Variants in TFEB observed in about 807,000 individuals in gnomAD.
TFEB encodes T-cell transcription factor EB.
In TFEB, 12 loss-of-function variants were observed where a neutral mutation model predicts 48.0. The observed-to-expected ratio is 0.25, with a 90% CI of 0.16 to 0.40. TFEB has a LOEUF of 0.40. TFEB is among the 10% of genes least tolerant of loss of function. TFEB has a pLI of 1.00. For missense variants in TFEB, 509 were observed against 640.3 expected, an observed-to-expected ratio of 0.79 and a Z score of 2.21; for synonymous variants, 244 against 261.4, an observed-to-expected ratio of 0.93 and a Z score of 0.64.
chr6:41,727,999 G>T (rs1771282183), intron 1 of TFEB, among the ~76,000 whole-genome samples: 2 of 152,202 alleles, frequency 1.3e-5, no homozygotes, highest in Non-Finnish European at 2.9e-5. Flanking sequence ...CCTTCCTGGG[G>T]CCCAGAAGGT....
chr6:41,734,391 G>A lies in TFEB; in HGVS notation c.-23+959C>T, dbSNP rs1771583071. 2.0e-6 allele frequency: 2 copies of A among 984,976 alleles called. No individual in the cohort carries two copies. The highest frequency in any genetic ancestry group is 4.7e-5 in the South Asian group (1 of 21,276). 61.0% of individuals were successfully genotyped at this position (984,976 alleles called of 1,614,324 possible). ...CAGCCCGGAGCAGCTCGGGGCAGCC[G>A]TGCGTGAAGCCGGAACCCCGCGCGG... On this transcript the variant is annotated intron_variant, in intron 1 of 8. Transcript: ENST00000373033. The surrounding 1 kb of genome is among the most constrained non-coding windows in gnomAD (Gnocchi z 4.0).
In TFEB at chr6:41,720,822, TA is replaced by T. The variant is rs1770947373; in HGVS notation, c.-23+14527del. On this transcript the variant is annotated intron_variant, in intron 1 of 8. Transcript: ENST00000373033. This position sits in a 1 kb window ranked among gnomAD's most constrained non-coding sequence, Gnocchi z 4.1. Reference sequence around the variant, plus strand: ...GGCACAGCCCTCACCCATATATAATTATTCCATCATATATTACAATGTAATA... The same window carrying T: ...GGCACAGCCCTCACCCATATATAATTTTCCATCATATATTACAATGTAATA... 1 of 152,168 alleles carries T rather than the reference TA, an allele frequency of 6.6e-6. No homozygotes were observed. Among genetic ancestry groups the T allele is most frequent in the South Asian group, 2.1e-4 (1 of 4,830 alleles). The allele number at this position is 152,168 out of a possible 1,614,324, so 9.4% of individuals were successfully genotyped here.
chr6:41,688,319 G>A (rs1229290554), intron 4 of TFEB: 1 of 333,924 alleles, frequency 3.0e-6, no homozygotes, highest in South Asian at 9.7e-5. Context: ...CCTAGAGCAG[G>A]TCATCTAATC....
At chr6:41,707,311 C>T (rs1430254206) in intron 1 of TFEB, among the ~76,000 whole-genome samples, 2 of 152,208 alleles carry the variant, frequency 1.3e-5, no homozygotes, top group Non-Finnish European at 2.9e-5. Flanking sequence ...TGGGCCTGCC[C>T]ACAGGGTAGG....
In TFEB at chr6:41,691,081, G is replaced by T. The variant is rs920105606; in HGVS notation, c.133C>A (p.Leu45Ile). 6 of 1,575,090 alleles carry T rather than the reference G, an allele frequency of 3.8e-6. No homozygotes were observed. The highest frequency in any genetic ancestry group is 4.3e-6 in the Non-Finnish European group (5 of 1,159,008). The change falls in exon 2 of 9, where the codon CTC becomes ATC. Residue 45 changes from leucine to isoleucine, a missense_variant. By Grantham distance (5) the Leu-to-Ile change is conservative. Around this residue, in one of 4 missense-constraint regions of TFEB, gnomAD observed 251 missense variants for 317.2 expected, o/e 0.79. Coordinates refer to ENST00000373033, the MANE Select transcript of TFEB (RefSeq NM_001271944.2). The surrounding 1 kb of genome is among the most constrained non-coding windows in gnomAD (Gnocchi z 5.2). ...ATGGCCGGGGTGGGCGGCCCTCCGA[G>T]CTGCTGCTGTTGCTGCTGCTGCTGC... Reference protein sequence around the residue: ...QQQQQQQQQQLGGPPTPAINT... With the variant: ...QQQQQQQQQQIGGPPTPAINT...
chr6:41,705,464 C>T (rs1770163344), intron 1 of TFEB, among the ~76,000 whole-genome samples: 1 of 152,194 alleles, frequency 6.6e-6, no homozygotes, highest in Admixed American at 6.5e-5. Flanking sequence ...CCCTGAGAGG[C>T]AGCCATACCG....
chr6:41,729,839 C>T (rs918481338), intron 1 of TFEB, among the ~76,000 whole-genome samples: 2 of 152,200 alleles, frequency 1.3e-5, no homozygotes, highest in African/African-American at 4.8e-5. Flanking sequence ...GCCTACCAGG[C>T]CCAAAGTCAG....
chr6:41,718,502 C>A (rs889312934), intron 1 of TFEB, among the ~76,000 whole-genome samples: 1 of 152,104 alleles, frequency 6.6e-6, no homozygotes, highest in African/African-American at 2.4e-5. Flanking sequence ...AGCCACCACA[C>A]CCAGCCTAGA....
At chr6:41,687,064 C>G (rs1215957550) in intron 7 of TFEB, 30 bp downstream of exon 7, 1 of 1,607,382 alleles carries the variant, frequency 6.2e-7, no homozygotes, top group African/African-American at 1.3e-5. Flanking sequence ...CACCCAGACC[C>G]ATCACCCTCC....
rs962233786 is a variant in TFEB at position 41,734,781 on chromosome 6, G to A, written c.-23+569C>T. On this transcript the variant is annotated intron_variant, in intron 1 of 8. Transcript: ENST00000373033. The surrounding 1 kb of genome is among the most constrained non-coding windows in gnomAD (Gnocchi z 4.0). ...CTGGAGGAAGGGACGGGAAGGGAGG[G>A]AGAGATGGTACTTCCACCCGCCCCC... 7.6e-6 allele frequency: 5 copies of A among 653,656 alleles called. No individual in the cohort carries two copies. The African/African-American group carries it at 9.8e-5, about 13-fold the overall frequency. 40.5% of individuals were successfully genotyped at this position (653,656 alleles called of 1,614,324 possible).
chr6:41,710,627 AC>A lies in TFEB; in HGVS notation c.-22-19393del, dbSNP rs1770433752. 2.0e-5 allele frequency among the ~76,000 whole-genome samples: 3 copies of A among 152,232 alleles called. No homozygotes were observed. In the South Asian group the frequency reaches 6.2e-4, roughly 32 times the overall value. On this transcript the variant is annotated intron_variant, in intron 1 of 8. Coordinates refer to ENST00000373033, the MANE Select transcript of TFEB (RefSeq NM_001271944.2). ...AAGACCATTTTTTTCCTGCTCCATC[AC>A]CCCCAATTGCTCTCCACTACCTACC...
chr6:41,708,870 GCAATGGC>G (rs1209472110), intron 1 of TFEB, among the ~76,000 whole-genome samples: 1 of 152,240 alleles, frequency 6.6e-6, no homozygotes, highest in Non-Finnish European at 1.5e-5. Flanking sequence ...CAAGCTGGAT[GCAATGGC>G]CAAATGTGTA....
intron 1 of TFEB, among the ~76,000 whole-genome samples, chr6:41,715,386 T>C (rs1770690117): frequency 6.6e-6 from 1 of 152,108 alleles, no homozygotes; most frequent in South Asian, 2.1e-4. Context: ...AAAAGTCTCA[T>C]GAGCCGGGCG....
At chr6:41,696,908 C>G (rs1258207743) in intron 1 of TFEB, among the ~76,000 whole-genome samples, 1 of 152,118 alleles carries the variant, frequency 6.6e-6, no homozygotes, top group Non-Finnish European at 1.5e-5. Flanking sequence ...TATGTTAGAA[C>G]TCAGGATCCT....
At chr6:41,722,092 G>A (rs940663166) in intron 1 of TFEB, among the ~76,000 whole-genome samples, 1 of 152,170 alleles carries the variant, frequency 6.6e-6, no homozygotes, top group Non-Finnish European at 1.5e-5. Context: ...CGATTCTCCT[G>A]CTTCAGCCAC....
At chr6:41,719,661 A>G (rs1770895331) in intron 1 of TFEB, among the ~76,000 whole-genome samples, 2 of 152,204 alleles carry the variant, frequency 1.3e-5, no homozygotes, top group Admixed American at 6.5e-5. Flanking sequence ...CTTATTGTGT[A>G]CTATGTACTT....
At chr6:41,715,587 T>C (rs1310516790) in intron 1 of TFEB, among the ~76,000 whole-genome samples, 1 of 151,902 alleles carries the variant, frequency 6.6e-6, no homozygotes, top group African/African-American at 2.4e-5. Flanking sequence ...GGAGAATCGC[T>C]TGAACCCAGG....
intron 1 of TFEB, among the ~76,000 whole-genome samples, chr6:41,719,631 C>A (rs1770893689): frequency 6.6e-6 from 1 of 152,196 alleles, no homozygotes; most frequent in Non-Finnish European, 1.5e-5. Flanking sequence ...GGTCATGTGG[C>A]AGGTCCCATT....
At chr6:41,711,999 G>A (rs754405001) in intron 1 of TFEB, among the ~76,000 whole-genome samples, 99 of 152,264 alleles carry the variant, frequency 6.5e-4, no homozygotes, top group Admixed American at 1.6e-3. Context: ...AGGGGGCTTC[G>A]CACAGCCTAT....
Sources: allele counts gnomAD v4.1 joint callset (sites outside exome capture counted in the v4.1 genomes callset), GRCh38; gene constraint gnomAD v4.1.1; regional missense constraint gnomAD v4.1.1; non-coding constraint Gnocchi (gnomAD v3.1); transcripts MANE v1.5; gene names NCBI Gene and HGNC (gene_info 2026-07-23, HGNC 2026-07-21).